RIOX2: variants seen among roughly 807,000 people sequenced by gnomAD.
RIOX2 encodes 60S ribosomal protein L27a histidine hydroxylase.
A neutral mutation model predicts 51.2 loss-of-function variants in RIOX2; 43 were observed. That is an observed-to-expected ratio of 0.84 (90% CI 0.66 to 1.08). The LOEUF (loss-of-function observed/expected upper bound fraction) is 1.08, where lower values mean the gene tolerates loss of function less well. Ranked by LOEUF, RIOX2 falls within the 50% of genes least tolerant of loss-of-function variation. RIOX2 has a pLI of 0.00. For missense variants in RIOX2, 566 were observed against 561.7 expected (o/e 1.01, Z -0.08); for synonymous variants, 226 against 218.5 (o/e 1.03, Z -0.30).
Position 97,967,572 on chromosome 3 carries a change from T to A in RIOX2, c.22A>T (p.Thr8Ser). 6.3e-7 allele frequency: 1 copy of A among 1,591,444 alleles called. No homozygotes were observed. Among genetic ancestry groups the A allele is most frequent in the African/African-American group, 1.4e-5 (1 of 73,690 alleles). MPKKAKP[T>S]GSGKEEGPAP... ...GGCCCCTCTTCCTTCCCACTCCCTG[T>A]AGGCTTTGCTTTCTTTGGCATCGTT... Residue 8 changes from threonine to serine, a missense_variant, in exon 2 of 10, where the codon ACA (threonine) becomes TCA (serine). Coordinates refer to ENST00000394198, the MANE Select transcript of RIOX2 (RefSeq NM_153182.4).
chr3:97,946,399 C>G (rs2040358511), intron 8 of RIOX2, among the ~76,000 whole-genome samples: 1 of 151,824 alleles, frequency 6.6e-6, no homozygotes, highest in African/African-American at 2.4e-5. Flanking sequence ...TGGTCCCTAT[C>G]TCCCTTCACT....
rs1446903166 is a variant in RIOX2 at position 97,967,422 on chromosome 3, A to C, written c.172T>G (p.Phe58Val). Residue 58 changes from phenylalanine (F) to valine (V), a missense_variant, in exon 2 of 10, where the codon TTC becomes GTC. Physicochemically the swap from Phe to Val is conservative, Grantham distance 50. Coordinates refer to ENST00000394198, the MANE Select transcript of RIOX2 (RefSeq NM_153182.4). ...ATGAGAAGGGGCTTCTGCTCCCAGA[A>C]TTCCTTGAAAAAAGTCTCTGTCTTG... is the stretch of plus-strand genomic sequence containing the variant. ...PIKTETFFKE[F>V]WEQKPLLIQR... 6.2e-7 allele frequency: 1 copy of C among 1,614,078 alleles called. No individual in the cohort carries two copies. The highest frequency in any genetic ancestry group is 1.1e-5 in the South Asian group (1 of 91,058).
At chr3:97,961,447 A>G (rs537946173) in intron 3 of RIOX2, 142 bp downstream of exon 3, 37 of 865,936 alleles carry the variant, frequency 4.3e-5, no homozygotes, top group South Asian at 1.5e-4. Context: ...GATGAAATCA[A>G]TATCTCAGAA....
In RIOX2 at chr3:97,942,282, AG is replaced by A. The variant is rs748450406; in HGVS notation, c.*2901del. On this transcript the variant is annotated 3_prime_UTR_variant, in exon 10 of 10. Coordinates refer to ENST00000394198, the MANE Select transcript of RIOX2 (RefSeq NM_153182.4). ...CAATTAATCATTTCTTAACCCTTTTAGGCCAGTGATACATGTCTTGATGTGA... is the reference window on the plus strand; with the variant it reads ...CAATTAATCATTTCTTAACCCTTTTAGCCAGTGATACATGTCTTGATGTGA... The A allele has an allele frequency of 6.2e-7, 1 of 1,603,878 alleles. No homozygotes were observed. Among genetic ancestry groups the A allele is most frequent in the African/African-American group, 1.3e-5 (1 of 74,746 alleles).
intron 1 of RIOX2, among the ~76,000 whole-genome samples, chr3:97,970,095 G>A (rs778923772): frequency 1.3e-5 from 2 of 152,102 alleles, no homozygotes; most frequent in East Asian, 1.9e-4. Context: ...AGATGCAAAC[G>A]AAAAGCTTTT....
chr3:97,945,676 CA>C, intron 9 of RIOX2, 121 bp downstream of exon 9: 1 of 745,026 alleles, frequency 1.3e-6, no homozygotes, highest in Non-Finnish European at 2.2e-6. Flanking sequence ...GTGAGTAGTG[CA>C]AAATGGTTAA....
At position 97,971,206 on chromosome 3, in the gene RIOX2, T is replaced by C. The variant is rs376051515; in HGVS notation, c.-40+1175A>G. Among the ~76,000 whole-genome samples, 171 of 152,342 alleles carry C rather than the reference T, an allele frequency of 1.1e-3. 1 individual carries two copies. Among genetic ancestry groups the C allele is most frequent in the African/African-American group, 3.9e-3 (163 of 41,572 alleles). On this transcript the variant is annotated intron_variant, in intron 1 of 9. Coordinates refer to ENST00000394198, the MANE Select transcript of RIOX2 (RefSeq NM_153182.4). ...AATCGGGGAGGGAAGTATGAATTTC[T>C]ACATCCCCTGGGCAGTTTTACAGAA...
chr3:97,951,478 T>C (rs915750458), intron 5 of RIOX2, among the ~76,000 whole-genome samples: 1 of 152,214 alleles, frequency 6.6e-6, no homozygotes, highest in Non-Finnish European at 1.5e-5. Flanking sequence ...AGCCAGTGAC[T>C]AAAAATAACA....
chr3:97,951,073 CCT>C (rs1192078017), intron 5 of RIOX2, 185 bp from the exon 6 acceptor site: 2 of 544,516 alleles, frequency 3.7e-6, no homozygotes, highest in African/African-American at 3.8e-5. Context: ...CATCAACCAC[CCT>C]GTTTCCTCCC....
At chr3:97,950,099 C>T (rs1705189810) in intron 6 of RIOX2, 84 bp from the exon 7 acceptor site, 21 of 1,377,250 alleles carry the variant, frequency 1.5e-5, no homozygotes, top group Non-Finnish European at 2.0e-6. Context: ...TGCAAAACTG[C>T]CAGCCACCGG....
chr3:97,953,000 G>A (rs1411550790), intron 5 of RIOX2, among the ~76,000 whole-genome samples: 1 of 152,154 alleles, frequency 6.6e-6, no homozygotes, highest in Non-Finnish European at 1.5e-5. Context: ...AGTCTGATGA[G>A]GAAGCAGAGG....
Position 97,949,967 on chromosome 3 carries a change from T to A in RIOX2, c.937A>T (p.Arg313Trp). Reference protein sequence around the residue: ...VATRRLSGFLRTLADRLEGTK... With the variant: ...VATRRLSGFLWTLADRLEGTK... ...CCCTCCAGCCGGTCTGCAAGTGTCC[T>A]CAGGAAGCCACTTAATCGTCTTGTA... Residue 313 changes from arginine to tryptophan, a missense_variant, in exon 7 of 10, where the codon AGG (arginine) becomes TGG (tryptophan). Arg to Trp is a moderately radical substitution (Grantham distance 101). Coordinates refer to ENST00000394198, the MANE Select transcript of RIOX2 (RefSeq NM_153182.4). 5 of 1,613,990 alleles carry A rather than the reference T, an allele frequency of 3.1e-6. No homozygotes were observed. Among genetic ancestry groups the A allele is most frequent in the Non-Finnish European group, 4.2e-6 (5 of 1,179,936 alleles).
At chr3:97,969,082 G>A (rs1706019365) in intron 1 of RIOX2, among the ~76,000 whole-genome samples, 1 of 152,134 alleles carries the variant, frequency 6.6e-6, no homozygotes, top group Admixed American at 6.5e-5. Context: ...AACAAATTAA[G>A]AAAGGAAATG....
intron 1 of RIOX2, 139 bp downstream of exon 1, chr3:97,972,242 C>G (rs1302699937): frequency 6.6e-6 from 1 of 151,760 alleles, no homozygotes; most frequent in Admixed American, 6.6e-5. Flanking sequence ...CGCCGGCCAC[C>G]GAGGCTTCTC....
At chr3:97,958,422 C>T (rs930786675) in intron 4 of RIOX2, among the ~76,000 whole-genome samples, 4 of 152,160 alleles carry the variant, frequency 2.6e-5, no homozygotes, top group African/African-American at 4.8e-5. Context: ...ATGTTCCCAT[C>T]GATGTTAACT....
chr3:97,951,655 T>C (rs1360879671), intron 5 of RIOX2, among the ~76,000 whole-genome samples: 1 of 152,164 alleles, frequency 6.6e-6, no homozygotes, highest in Non-Finnish European at 1.5e-5. Flanking sequence ...AGATTTCAAA[T>C]TGCCGGCTAG....
chr3:97,956,561 A>G (rs986222923), intron 4 of RIOX2, among the ~76,000 whole-genome samples: 4 of 151,010 alleles, frequency 2.6e-5, no homozygotes, highest in African/African-American at 9.8e-5. Flanking sequence ...CAATGGCGTG[A>G]TCTCGGTCAC....
chr3:97,948,246 T>C (rs1423845579), intron 7 of RIOX2, among the ~76,000 whole-genome samples: 1 of 152,140 alleles, frequency 6.6e-6, no homozygotes, highest in African/African-American at 2.4e-5. Flanking sequence ...AAAATGTATA[T>C]AGAATCAGTG....
chr3:97,961,233 G>A (rs1009370860), intron 3 of RIOX2, among the ~76,000 whole-genome samples: 4 of 152,144 alleles, frequency 2.6e-5, no homozygotes, highest in Non-Finnish European at 5.9e-5. Context: ...GCACATGAAG[G>A]ATTATTTGTG....
Sources: allele counts gnomAD v4.1 joint callset (sites outside exome capture counted in the v4.1 genomes callset), GRCh38; gene constraint gnomAD v4.1.1; transcripts MANE v1.5; gene names NCBI Gene and HGNC (gene_info 2026-07-23, HGNC 2026-07-21).